The following PRKAA2 variants were observed in gnomAD, a reference collection of about 807,000 sequenced individuals.
The protein encoded by PRKAA2 is protein kinase AMP-activated catalytic subunit alpha 2.
Under a neutral mutation model 56.3 loss-of-function variants are expected in PRKAA2, and 40 were observed. The ratio of observed to expected loss-of-function variants is 0.71; its 90% confidence interval spans 0.55 to 0.92. PRKAA2 has a LOEUF of 0.92. Ranked by LOEUF, PRKAA2 falls within the 40% of genes least tolerant of loss-of-function variation. PRKAA2 has a pLI of 0.00. For synonymous variants in PRKAA2, 214 were observed against 234.2 expected (o/e 0.91, Z 0.79); for missense variants, 542 against 686.9 (o/e 0.79, Z 2.36).
At chr1:56,704,795 C>T (rs1375454419) in intron 7 of PRKAA2, among the ~76,000 whole-genome samples, 1 of 151,196 alleles carries the variant, frequency 6.6e-6, no homozygotes, top group African/African-American at 2.4e-5. Context: ...TTTTTACTTT[C>T]TCTTTTTTTT....
Position 56,710,598 on chromosome 1 carries a change from T to C in PRKAA2, c.*2885T>C, listed in dbSNP as rs371575262. 2.0e-5 allele frequency: 3 copies of C among 152,162 alleles called. No homozygotes were observed. Among genetic ancestry groups the C allele is most frequent in the East Asian group, 1.9e-4 (1 of 5,196 alleles). 9.4% of individuals were successfully genotyped at this position (152,162 alleles called of 1,614,324 possible). On this transcript the variant is annotated 3_prime_UTR_variant, in exon 9 of 9. Transcript: ENST00000371244. ...CTTACTGGTTGTTGGGAGAATCTGA[T>C]TGAAAATTAGAATTACTTTGTTTTA...
chr1:56,645,516 G>GC (rs1646632687), intron 1 of PRKAA2, 35 bp downstream of exon 1: 1 of 1,439,162 alleles, frequency 6.9e-7, no homozygotes, highest in South Asian at 1.3e-5. Context: ...GTGCGGGGCT[G>GC]CCTGACTTGC....
chr1:56,714,613 A>C lies in PRKAA2; in HGVS notation c.*6900A>C, dbSNP rs997368726. On this transcript the variant is annotated 3_prime_UTR_variant, in exon 9 of 9. Transcript: ENST00000371244. ...TAAAATGTTGGCTGAAGCTGCCTTA[A>C]TGTACCAAAATACAGCTCTCAAGAC... 1.3e-5 allele frequency: 2 copies of C among 152,154 alleles called. No individual in the cohort carries two copies. The highest frequency in any genetic ancestry group is 2.9e-5 in the Non-Finnish European group (2 of 67,996). 9.4% of individuals were successfully genotyped at this position (152,154 alleles called of 1,614,324 possible).
At chr1:56,695,654 A>G (rs955927951) in intron 5 of PRKAA2, among the ~76,000 whole-genome samples, 21 of 152,118 alleles carry the variant, frequency 1.4e-4, no homozygotes, top group Non-Finnish European at 2.6e-4. Context: ...TCAAAAATCA[A>G]CCACAGAAAG....
chr1:56,709,764 C>T lies in PRKAA2; in HGVS notation c.*2051C>T, dbSNP rs1644357378. On this transcript the variant is annotated 3_prime_UTR_variant, in exon 9 of 9. Transcript: ENST00000371244. ...CCAGTGATGTTTTAGCTCCATTAGT[C>T]TAATAGGTCAGATATTAAAAAATTG... The T allele has an allele frequency of 1.3e-5, 2 of 152,126 alleles. No homozygotes were observed. Among genetic ancestry groups the T allele is most frequent in the African/African-American group, 4.8e-5 (2 of 41,438 alleles). 9.4% of individuals were successfully genotyped at this position (152,126 alleles called of 1,614,324 possible).
At chr1:56,706,745 G>A (rs2100440367) in intron 8 of PRKAA2, among the ~76,000 whole-genome samples, 1 of 152,240 alleles carries the variant, frequency 6.6e-6, no homozygotes, top group South Asian at 2.1e-4. Flanking sequence ...TTAAACTTGG[G>A]TAAACCAAAT....
intron 4 of PRKAA2, 41 bp from the exon 5 acceptor site, chr1:56,693,724 A>T (rs754434848): frequency 7.2e-7 from 1 of 1,390,822 alleles, no homozygotes; most frequent in African/African-American, 1.4e-5. Context: ...ATCTACTTTT[A>T]AAAATATCTA....
Position 56,645,446 on chromosome 1 carries a change from A to ACACGCTGGGCGT in PRKAA2, c.61_72dup (p.Thr21_Val24dup). The ACACGCTGGGCGT allele has an allele frequency of 6.6e-7, 1 of 1,514,960 alleles. No homozygotes were observed. The allele number at this position is 1,514,960 out of a possible 1,614,324, so 93.8% of individuals were successfully genotyped here. On this transcript the variant is annotated inframe_insertion, in exon 1 of 9. Transcript: ENST00000371244. ...AAGATCGGACACTACGTGCTGGGCG[A>ACACGCTGGGCGT]CACGCTGGGCGTCGGCACCTTCGGC...
chr1:56,655,280 A>ATATATATGTATATT, intron 1 of PRKAA2, among the ~76,000 whole-genome samples: 1 of 93,680 alleles, frequency 1.1e-5, no homozygotes, highest in Non-Finnish European at 1.9e-5. Flanking sequence ...ATATATATAT[A>ATATATATGTATATT]TTTTTTTTTT....
chr1:56,648,210 C>T (rs549524027), intron 1 of PRKAA2, among the ~76,000 whole-genome samples: 1 of 152,248 alleles, frequency 6.6e-6, no homozygotes, highest in African/African-American at 2.4e-5. Flanking sequence ...TATACCCATT[C>T]ACAGTTAATC....
intron 1 of PRKAA2, among the ~76,000 whole-genome samples, chr1:56,670,820 T>G (rs1644070002): frequency 6.6e-6 from 1 of 152,204 alleles, no homozygotes; most frequent in Non-Finnish European, 1.5e-5. Flanking sequence ...ATTATTGGTG[T>G]TTTTATAATT....
chr1:56,713,405 G>A lies in PRKAA2; in HGVS notation c.*5692G>A, dbSNP rs1394857917. 6.6e-6 allele frequency: 1 copy of A among 152,010 alleles called. No individual in the cohort carries two copies. Among genetic ancestry groups the A allele is most frequent in the East Asian group, 1.9e-4 (1 of 5,188 alleles). The allele number at this position is 152,010 out of a possible 1,614,324, so 9.4% of individuals were successfully genotyped here. On this transcript the variant is annotated 3_prime_UTR_variant, in exon 9 of 9. Transcript: ENST00000371244. Reference sequence around the variant, plus strand: ...CTATGATGTGACTTTTGGTAAAAATGGTTTATATCTAAAGTAGTTTAGATT... The same window carrying A: ...CTATGATGTGACTTTTGGTAAAAATAGTTTATATCTAAAGTAGTTTAGATT...
In PRKAA2 at chr1:56,704,180, T is replaced by A; in HGVS notation, c.998T>A (p.Ile333Lys). 2 of 1,614,184 alleles carry A rather than the reference T, an allele frequency of 1.2e-6. No individual in the cohort carries two copies. The highest frequency in any genetic ancestry group is 1.7e-6 in the Non-Finnish European group (2 of 1,180,028). ...AYHLIIDNRR[I>K]MNQASEFYLA... Reference sequence around the variant, plus strand: ...CATCTTATCATTGACAATCGGAGAATAATGAACCAAGCCAGTGAGTTCTAC... The same window carrying A: ...CATCTTATCATTGACAATCGGAGAAAAATGAACCAAGCCAGTGAGTTCTAC... Residue 333 changes from isoleucine (I) to lysine (K), a missense_variant, in exon 7 of 9, where the codon ATA becomes AAA. Transcript: ENST00000371244.
chr1:56,655,280 A>ATATATATATATATTTTTTT, intron 1 of PRKAA2, among the ~76,000 whole-genome samples: 5 of 93,640 alleles, frequency 5.3e-5, no homozygotes, highest in South Asian at 1.1e-3. Context: ...ATATATATAT[A>ATATATATATATATTTTTTT]TTTTTTTTTT....
chr1:56,666,582 A>G (rs1490643658), intron 1 of PRKAA2, among the ~76,000 whole-genome samples: 2 of 152,226 alleles, frequency 1.3e-5, no homozygotes, highest in South Asian at 4.1e-4. Flanking sequence ...TCCATTGAAT[A>G]CAGTTCAACT....
intron 2 of PRKAA2, among the ~76,000 whole-genome samples, chr1:56,675,402 A>G (rs1644106088): frequency 6.6e-6 from 1 of 151,958 alleles, no homozygotes; most frequent in African/African-American, 2.4e-5. Flanking sequence ...ATTTAATTTA[A>G]TATTATCTTC....
chr1:56,705,997 C>A, intron 7 of PRKAA2, 95 bp from the exon 8 acceptor site: 1 of 1,072,618 alleles, frequency 9.3e-7, no homozygotes, highest in Non-Finnish European at 1.3e-6. Flanking sequence ...GTATTCCTTT[C>A]CTACCTCACC....
At chr1:56,659,049 C>A (rs569878840) in intron 1 of PRKAA2, among the ~76,000 whole-genome samples, 2 of 150,852 alleles carry the variant, frequency 1.3e-5, no homozygotes, top group Non-Finnish European at 3.0e-5. Context: ...GCGATCCTCT[C>A]GCCTGGGCCT....
chr1:56,646,706 T>A (rs2100372368), intron 1 of PRKAA2, among the ~76,000 whole-genome samples: 1 of 152,336 alleles, frequency 6.6e-6, no homozygotes, highest in East Asian at 1.9e-4. Flanking sequence ...TTCTGAGGTC[T>A]CTATTTCCTT....
Sources: allele counts gnomAD v4.1 joint callset (sites outside exome capture counted in the v4.1 genomes callset), GRCh38; gene constraint gnomAD v4.1.1; transcripts MANE v1.5; gene names NCBI Gene and HGNC (gene_info 2026-07-23, HGNC 2026-07-21).